Variants in NYAP2 observed in about 807,000 individuals in gnomAD.
NYAP2 encodes the protein neuronal tyrosine-phosphorylated phosphoinositide-3-kinase adaptor 2.
NYAP2 carries 23 observed loss-of-function variants against 50.4 expected under a neutral mutation model. The observed-to-expected ratio is 0.46, with a 90% CI of 0.33 to 0.65. The LOEUF is 0.65. NYAP2 is among the 30% of genes least tolerant of loss of function. NYAP2 has a pLI of 0.02. For missense variants in NYAP2, 885 were observed against 861.0 expected (o/e 1.03, Z -0.35); for synonymous variants, 394 against 365.2 (o/e 1.08, Z -0.90).
At position 225,617,002 on chromosome 2, in the gene NYAP2, G is replaced by A. The variant is rs115814372; in HGVS notation, c.1619-9915G>A. ...ATCCTGTTGATTATGCCAATATGAAGCAACAACTTGGAAGCATTCTTTATG... is the reference window on the plus strand; with the variant it reads ...ATCCTGTTGATTATGCCAATATGAAACAACAACTTGGAAGCATTCTTTATG... On this transcript the variant is annotated intron_variant, in intron 5 of 6. Coordinates refer to ENST00000636099, the Ensembl canonical transcript of NYAP2. Among the ~76,000 whole-genome samples the A allele has an allele frequency of 5.5e-3, 839 of 152,288 alleles. 9 individuals are homozygous for A. The highest frequency in any genetic ancestry group is 0.018 in the African/African-American group (762 of 41,562).
intron 6 of NYAP2, among the ~76,000 whole-genome samples, chr2:225,650,041 G>A (rs78823437): frequency 0.025 from 3,815 of 152,264 alleles, 178 homozygotes; most frequent in African/African-American, 0.087. Flanking sequence ...GAGAGGTGAA[G>A]CATTGTTGAA....
At chr2:225,451,659 C>T (rs953609961) in intron 3 of NYAP2, among the ~76,000 whole-genome samples, 2 of 152,126 alleles carry the variant, frequency 1.3e-5, no homozygotes, top group African/African-American at 4.8e-5. Flanking sequence ...AACCTTATAC[C>T]ACCTCCTTTA....
intron 4 of NYAP2, among the ~76,000 whole-genome samples, chr2:225,580,315 A>G (rs184277290): frequency 1.3e-5 from 2 of 152,366 alleles, no homozygotes; most frequent in East Asian, 3.9e-4. Context: ...TTTCAAAACC[A>G]GTAAAATATA....
In NYAP2 at chr2:225,536,918, A is replaced by G. The variant is rs981872466; in HGVS notation, c.523+23246A>G. Among the ~76,000 whole-genome samples the G allele has an allele frequency of 3.3e-5, 5 of 151,842 alleles. No homozygotes were observed. The East Asian group carries it at 7.8e-4, about 24-fold the overall frequency. On this transcript the variant is annotated intron_variant, in intron 4 of 6. Transcript: ENST00000636099. Reference sequence around the variant, plus strand: ...CTCAGCCTCCCGAATAGCTGGGACTACAAGTGCCCGCCACCACGCCCGGCT... The same window carrying G: ...CTCAGCCTCCCGAATAGCTGGGACTGCAAGTGCCCGCCACCACGCCCGGCT...
At chr2:225,668,934 G>A in the NYAP2 span, among the ~76,000 whole-genome samples, 1 of 120,164 alleles carries the variant, frequency 8.3e-6, no homozygotes, top group Non-Finnish European at 1.7e-5. Context: ...GAAAAAAATT[G>A]TGTCCTAATT....
At chr2:225,520,359 C>T (rs1691025937) in intron 4 of NYAP2, among the ~76,000 whole-genome samples, 1 of 152,022 alleles carries the variant, frequency 6.6e-6, no homozygotes, top group South Asian at 2.1e-4. Context: ...TGCCTATGTC[C>T]TGAATGGTAA....
chr2:225,661,520 C>T, the NYAP2 span, among the ~76,000 whole-genome samples: 1 of 152,164 alleles, frequency 6.6e-6, no homozygotes, highest in African/African-American at 2.4e-5. Context: ...GTTGTTCTTA[C>T]AGCACACTTT....
intron 5 of NYAP2, among the ~76,000 whole-genome samples, chr2:225,622,311 C>T (rs772819699): frequency 1.6e-4 from 24 of 152,128 alleles, no homozygotes; most frequent in Non-Finnish European, 2.6e-4. Context: ...GGATCACAGG[C>T]GTGAGGCATT....
chr2:225,482,280 C>T (rs2106165774), intron 3 of NYAP2, among the ~76,000 whole-genome samples: 1 of 152,172 alleles, frequency 6.6e-6, no homozygotes, highest in African/African-American at 2.4e-5. Flanking sequence ...TTTTGTTGGG[C>T]TGCCCTCACC....
At chr2:225,485,947 C>G (rs1422422865) in intron 3 of NYAP2, among the ~76,000 whole-genome samples, 1 of 152,140 alleles carries the variant, frequency 6.6e-6, no homozygotes, top group Non-Finnish European at 1.5e-5. Flanking sequence ...CCACACCCCT[C>G]CCCCAGTCAT....
intron 4 of NYAP2, among the ~76,000 whole-genome samples, chr2:225,567,636 GAGA>G (rs1462381844): frequency 1.2e-4 from 18 of 152,190 alleles, no homozygotes; most frequent in African/African-American, 4.3e-4. Flanking sequence ...AGAAGAAGAA[GAGA>G]AGGAGGAGGA....
chr2:225,575,931 C>T (rs1692163326), intron 4 of NYAP2, among the ~76,000 whole-genome samples: 2 of 152,106 alleles, frequency 1.3e-5, no homozygotes, highest in Admixed American at 1.3e-4. Flanking sequence ...ATGAAAGGTA[C>T]TTATATTTTC....
chr2:225,421,293 C>T (rs7572027), intron 3 of NYAP2, among the ~76,000 whole-genome samples: 120,513 of 152,148 alleles, frequency 0.79, 47,935 homozygotes, highest in Non-Finnish European at 0.82. Context: ...TGTTAGTATA[C>T]ACAATTTAAA....
chr2:225,671,166 T>C, the NYAP2 span, among the ~76,000 whole-genome samples: 4 of 152,230 alleles, frequency 2.6e-5, no homozygotes, highest in Non-Finnish European at 4.4e-5. Context: ...TAGAATGCAA[T>C]GCTGTTTTTT....
chr2:225,641,419 T>G (rs970544474), intron 6 of NYAP2, among the ~76,000 whole-genome samples: 2 of 89,956 alleles, frequency 2.2e-5, no homozygotes, highest in African/African-American at 8.3e-5. Flanking sequence ...CTGCAATCCC[T>G]CAAACACACA....
intron 5 of NYAP2, among the ~76,000 whole-genome samples, chr2:225,588,734 T>C (rs1692435561): frequency 6.6e-6 from 1 of 152,170 alleles, no homozygotes; most frequent in Non-Finnish European, 1.5e-5. Context: ...TCAGGGTCAT[T>C]GTTGTGATAG....
intron 3 of NYAP2, among the ~76,000 whole-genome samples, chr2:225,439,534 A>T (rs1354228557): frequency 6.6e-6 from 1 of 152,108 alleles, no homozygotes; most frequent in Non-Finnish European, 1.5e-5. Context: ...AATAGAAGCA[A>T]ATGTTTTGGA....
chr2:225,673,018 A>G, the NYAP2 span, among the ~76,000 whole-genome samples: 1 of 152,168 alleles, frequency 6.6e-6, no homozygotes, highest in South Asian at 2.1e-4. Flanking sequence ...CTGGGGAAAA[A>G]AAAAAAAGAG....
chr2:225,624,593 T>C (rs1270313671), intron 5 of NYAP2, among the ~76,000 whole-genome samples: 1 of 152,190 alleles, frequency 6.6e-6, no homozygotes, highest in Non-Finnish European at 1.5e-5. Context: ...CTGTAGATAA[T>C]AGGCTACAGT....
Sources: gnomAD v4.1 joint callset for allele counts (sites outside exome capture counted in the v4.1 genomes callset) on GRCh38, gnomAD v4.1.1 for gene constraint, MANE v1.5 for transcripts, NCBI Gene and HGNC (gene_info 2026-07-23, HGNC 2026-07-21) for gene names.